OR2L13: variants seen among roughly 807,000 people sequenced by gnomAD.
OR2L13 encodes olfactory receptor 2L13.
In OR2L13, 14 loss-of-function variants were observed where a neutral mutation model predicts 15.3. That is an observed-to-expected ratio of 0.91 (90% CI 0.60 to 1.43). OR2L13 has a LOEUF of 1.43. Among genes scored for constraint, OR2L13 ranks in the 40% most tolerant of loss-of-function variants. The pLI, the probability that OR2L13 is intolerant of heterozygous loss-of-function variation, is 0.00. For missense variants in OR2L13, 367 were observed against 387.9 expected (o/e 0.95, Z 0.45); for synonymous variants, 152 against 142.9 (o/e 1.06, Z -0.45).
At chr1:248,060,612 A>C in the OR2L13 span, 2 of 1,262,486 alleles carry the variant, frequency 1.6e-6, no homozygotes, top group Non-Finnish European at 2.2e-6. Flanking sequence ...CATTCCCTGC[A>C]GATAAAGACG....
the OR2L13 span, among the ~76,000 whole-genome samples, chr1:248,069,643 A>G: frequency 6.6e-6 from 1 of 152,322 alleles, no homozygotes; most frequent in African/African-American, 2.4e-5. Flanking sequence ...TTAAATGTAA[A>G]TGGACTAAAT....
At chr1:248,098,269 C>A (rs1664777369) in intron 1 of OR2L13, among the ~76,000 whole-genome samples, 1 of 152,114 alleles carries the variant, frequency 6.6e-6, no homozygotes, top group Admixed American at 6.5e-5. Flanking sequence ...GTTTCATCAC[C>A]AAAGCACATC....
the OR2L13 span, among the ~76,000 whole-genome samples, chr1:247,992,917 G>A: frequency 6.6e-6 from 1 of 152,068 alleles, no homozygotes; most frequent in Non-Finnish European, 1.5e-5. Flanking sequence ...TAGGTCAAAT[G>A]GTATCTCTAA....
the OR2L13 span, chr1:248,061,523 C>T: frequency 6.2e-7 from 1 of 1,613,928 alleles, no homozygotes; most frequent in Non-Finnish European, 8.5e-7. Context: ...ACCACCCTCA[C>T]TCCAATGCTC....
chr1:247,958,971 T>C, the OR2L13 span, among the ~76,000 whole-genome samples: 1 of 152,228 alleles, frequency 6.6e-6, no homozygotes, highest in Non-Finnish European at 1.5e-5. Flanking sequence ...ATGTGTGAAT[T>C]TGATCCTGTC....
At chr1:247,952,999 T>A in the OR2L13 span, among the ~76,000 whole-genome samples, 1 of 152,172 alleles carries the variant, frequency 6.6e-6, no homozygotes. Context: ...CCAATGACCC[T>A]GGGATTGGAG....
chr1:248,083,498 T>C, the OR2L13 span: 1 of 719,462 alleles, frequency 1.4e-6, no homozygotes. Flanking sequence ...TACAATTAGC[T>C]CACTTCATTC....
chr1:248,033,761 T>A, the OR2L13 span, among the ~76,000 whole-genome samples: 1 of 152,068 alleles, frequency 6.6e-6, no homozygotes, highest in East Asian at 1.9e-4. Context: ...CTTCTATTGT[T>A]ATACATGTCT....
At chr1:247,977,683 G>C in the OR2L13 span, among the ~76,000 whole-genome samples, 5,890 of 152,172 alleles carry the variant, frequency 0.039, 349 homozygotes, top group African/African-American at 0.13. Flanking sequence ...TTAAAAGTCA[G>C]GTAGCCCTTC....
At chr1:248,054,000 G>A in the OR2L13 span, among the ~76,000 whole-genome samples, 103 of 152,236 alleles carry the variant, frequency 6.8e-4, no homozygotes, top group African/African-American at 2.3e-3. Context: ...TGTTGCAATT[G>A]CTTTTGGAGT....
upstream of OR2L13, among the ~76,000 whole-genome samples, chr1:248,090,362 C>T (rs1285950340): frequency 6.6e-6 from 1 of 151,462 alleles, no homozygotes; most frequent in Non-Finnish European, 1.5e-5. Flanking sequence ...TTGTAGGTCA[C>T]AGAGGTTTCA....
At chr1:247,948,530 T>G in the OR2L13 span, among the ~76,000 whole-genome samples, 1 of 152,140 alleles carries the variant, frequency 6.6e-6, no homozygotes. Flanking sequence ...TCAAAATAGG[T>G]AAAAATCAGA....
the OR2L13 span, among the ~76,000 whole-genome samples, chr1:248,037,580 A>T: frequency 6.6e-6 from 1 of 152,202 alleles, no homozygotes; most frequent in Non-Finnish European, 1.5e-5. Context: ...TGTCTCATCA[A>T]ATATTAATCT....
At chr1:248,056,113 G>T in the OR2L13 span, among the ~76,000 whole-genome samples, 1 of 151,894 alleles carries the variant, frequency 6.6e-6, no homozygotes, top group African/African-American at 2.4e-5. Flanking sequence ...GGTTGGTGGT[G>T]GTATTTCCCT....
At chr1:248,005,387 G>C in the OR2L13 span, among the ~76,000 whole-genome samples, 2 of 151,984 alleles carry the variant, frequency 1.3e-5, no homozygotes, top group Non-Finnish European at 2.9e-5. Context: ...TGGGTTCTCT[G>C]TTCTGTTTCA....
At chr1:248,071,817 T>C in the OR2L13 span, among the ~76,000 whole-genome samples, 2 of 149,128 alleles carry the variant, frequency 1.3e-5, no homozygotes, top group African/African-American at 4.9e-5. Flanking sequence ...ATCACAAGCA[T>C]TCTTATACAC....
At chr1:248,005,100 T>C in the OR2L13 span, among the ~76,000 whole-genome samples, 1 of 152,102 alleles carries the variant, frequency 6.6e-6, no homozygotes, top group African/African-American at 2.4e-5. Context: ...GAGCCAGTAA[T>C]TGGTAGCACA....
At chr1:247,970,202 T>C in the OR2L13 span, among the ~76,000 whole-genome samples, 4 of 152,304 alleles carry the variant, frequency 2.6e-5, no homozygotes, top group Admixed American at 2.6e-4. Context: ...AATAATTTAA[T>C]AACTATTCCA....
At chr1:247,959,385 T>A in the OR2L13 span, among the ~76,000 whole-genome samples, 9 of 152,242 alleles carry the variant, frequency 5.9e-5, no homozygotes, top group Non-Finnish European at 1.2e-4. Context: ...ATTTTTTCCT[T>A]CATTTATACT....
Sources: allele counts gnomAD v4.1 joint callset (sites outside exome capture counted in the v4.1 genomes callset), GRCh38; gene constraint gnomAD v4.1.1; transcripts MANE v1.5; gene names NCBI Gene and HGNC (gene_info 2026-07-23, HGNC 2026-07-21).